ROGDI: variants seen among roughly 807,000 people sequenced by gnomAD.
ROGDI encodes rogdi atypical leucine zipper.
In ROGDI, 46 loss-of-function variants were observed where a neutral mutation model predicts 43.1. The observed-to-expected ratio is 1.07, with a 90% confidence interval of 0.84 to 1.37. The LOEUF (loss-of-function observed/expected upper bound fraction) is 1.37, where lower values mean the gene tolerates loss of function less well. Among genes scored for constraint, ROGDI ranks in the 40% most tolerant of loss-of-function variants. The probability of loss-of-function intolerance (pLI) is 0.00; values close to 1 mark genes in which losing one functional copy is unlikely to be tolerated. For synonymous variants in ROGDI, 243 were observed against 162.0 expected (o/e 1.50, Z -3.80); for missense variants, 518 against 383.9 (o/e 1.35, Z -2.92).
intron 10 of ROGDI, 71 bp downstream of exon 10, chr16:4,797,643 G>A: frequency 6.2e-7 from 1 of 1,607,536 alleles, no homozygotes; most frequent in Non-Finnish European, 8.5e-7. Context: ...CCCAAGGTTG[G>A]GGCGCTCTGA....
At position 4,797,288 on chromosome 16, in the gene ROGDI, T is replaced by A; in HGVS notation, c.*172A>T. On this transcript the variant is annotated 3_prime_UTR_variant, in exon 11 of 11. Coordinates refer to ENST00000322048, the MANE Select transcript of ROGDI (RefSeq NM_024589.3). ...ACTACCCCACCAAACCAGCCTTCCT[T>A]CCTCCTGGCACTTCCAGTGTCCATT... 4.7e-6 allele frequency: 3 copies of A among 637,956 alleles called. No homozygotes were observed. Among genetic ancestry groups the A allele is most frequent in the Non-Finnish European group, 8.0e-6 (3 of 375,186 alleles). 39.5% of individuals were successfully genotyped at this position (637,956 alleles called of 1,614,324 possible).
chr16:4,800,428 G>T, intron 5 of ROGDI, 70 bp downstream of exon 5: 1 of 1,276,372 alleles, frequency 7.8e-7, no homozygotes, highest in Non-Finnish European at 1.1e-6. Context: ...CCCTCTCCAG[G>T]GAGGCCCCGC....
In ROGDI at chr16:4,800,328, C is replaced by A. The variant is rs187509181; in HGVS notation, c.336+170G>T. Among the ~76,000 whole-genome samples the A allele has an allele frequency of 6.3e-3, 960 of 152,330 alleles. 17 individuals carry two copies. The highest frequency in any genetic ancestry group is 0.022 in the African/African-American group (924 of 41,574). On this transcript the variant is annotated intron_variant, in intron 5 of 10. Transcript: ENST00000322048. Reference sequence around the variant, plus strand: ...TCTCTACCTCCCCACATGGCGCAGCCTCCAGGGCTTCAGGAAACGCCTGCC... The same window carrying A: ...TCTCTACCTCCCCACATGGCGCAGCATCCAGGGCTTCAGGAAACGCCTGCC...
In ROGDI at chr16:4,802,601, C is replaced by T; in HGVS notation, c.-30G>A. On this transcript the variant is annotated 5_prime_UTR_variant, in exon 1 of 11. Transcript: ENST00000322048. Reference sequence around the variant, plus strand: ...GCAGGCCGCCGCCGAGCGCCCTCCCCACCGGCCGCTGCTCCTGTCCACCAA... The same window carrying T: ...GCAGGCCGCCGCCGAGCGCCCTCCCTACCGGCCGCTGCTCCTGTCCACCAA... 7.7e-7 allele frequency: 1 copy of T among 1,301,344 alleles called. No individual in the cohort carries two copies. The highest frequency in any genetic ancestry group is 9.8e-7 in the Non-Finnish European group (1 of 1,022,338). The allele number at this position is 1,301,344 out of a possible 1,614,324, so 80.6% of individuals were successfully genotyped here.
At chr16:4,801,209 G>A (rs768512236) in intron 4 of ROGDI, 58 bp downstream of exon 4, 2 of 1,420,104 alleles carry the variant, frequency 1.4e-6, no homozygotes, top group Non-Finnish European at 1.9e-6. Flanking sequence ...GAGAAAGTGG[G>A]AGCTCCCATG....
At chr16:4,798,704 G>A (rs899571088) in intron 6 of ROGDI, 37 bp from the exon 7 acceptor site, 4 of 1,470,628 alleles carry the variant, frequency 2.7e-6, no homozygotes, top group East Asian at 2.4e-5. Flanking sequence ...GCGTCCTCCC[G>A]TGTCCCCATG....
At chr16:4,797,555 G>A (rs553022084) in intron 10 of ROGDI, 54 bp from the exon 11 acceptor site, 10 of 1,180,264 alleles carry the variant, frequency 8.5e-6, no homozygotes, top group Middle Eastern at 2.2e-4. Flanking sequence ...GTAGCCCAGG[G>A]GAGATGTCAA....
intron 6 of ROGDI, 67 bp from the exon 7 acceptor site, chr16:4,798,734 T>C: frequency 3.1e-6 from 4 of 1,311,262 alleles, no homozygotes; most frequent in Non-Finnish European, 3.2e-6. Context: ...ACAACAGACA[T>C]GGTAGCTCCC....
Position 4,798,836 on chromosome 16 carries a change from A to G in ROGDI, c.433-169T>C, listed in dbSNP as rs1385678875. 6.5e-6 allele frequency: 4 copies of G among 619,094 alleles called. No homozygotes were observed. The East Asian group carries it at 1.1e-4, about 18-fold the overall frequency. The allele number at this position is 619,094 out of a possible 1,614,324, so 38.4% of individuals were successfully genotyped here. A position where few individuals can be genotyped will look rare whatever the true frequency, so the allele number is the denominator to read the frequency against. ...ACAGGTAGTTGGGCTCCAGCTGGGT[A>G]TGGAGGAGGGCAGGATGTCTGCACT... On this transcript the variant is annotated intron_variant, in intron 6 of 10. Coordinates refer to ENST00000322048, the MANE Select transcript of ROGDI (RefSeq NM_024589.3).
Position 4,797,999 on chromosome 16 carries a change from A to G in ROGDI, c.646-12T>C. 1 of 1,612,584 alleles carries G rather than the reference A, an allele frequency of 6.2e-7. No homozygotes were observed. The highest frequency in any genetic ancestry group is 8.5e-7 in the Non-Finnish European group (1 of 1,179,110). On this transcript the variant is annotated splice_polypyrimidine_tract_variant and intron_variant, in intron 8 of 10. Coordinates refer to ENST00000322048, the MANE Select transcript of ROGDI (RefSeq NM_024589.3). ...GCTGGGCGGAAGTTCTAGGGAGAAC[A>G]GCACCAGACCCGTCAGGCCTTGCAG...
chr16:4,802,250 G>C, intron 2 of ROGDI, 132 bp downstream of exon 2: 2 of 822,710 alleles, frequency 2.4e-6, no homozygotes, highest in Non-Finnish European at 3.9e-6. Flanking sequence ...TCGCGGAGGC[G>C]GGGCCCTGCC....
Position 4,802,373 on chromosome 16 carries a change from G to C in ROGDI, c.117+9C>G, listed in dbSNP as rs374732191. On this transcript the variant is annotated intron_variant, in intron 2 of 10. Coordinates refer to ENST00000322048, the MANE Select transcript of ROGDI (RefSeq NM_024589.3). ...GCCACGCCCGGCGGGGCAGGGCGCG[G>C]GTCGTTACCTTGAGGATGTCCTGCA... The C allele has an allele frequency of 1.5e-4, 241 of 1,567,536 alleles. 1 individual carries two copies. In the African/African-American group the frequency reaches 2.7e-3, roughly 18 times the overall value.
chr16:4,798,059 G>A lies in ROGDI; in HGVS notation c.645+12C>T, dbSNP rs765887692. 5 of 1,613,566 alleles carry A rather than the reference G, an allele frequency of 3.1e-6. 1 individual carries two copies. In the South Asian group the frequency reaches 5.5e-5, roughly 18 times the overall value. On this transcript the variant is annotated intron_variant, in intron 8 of 10. Coordinates refer to ENST00000322048, the MANE Select transcript of ROGDI (RefSeq NM_024589.3). ...ATGGCGGGCAGTGGGCCGGGCAGGG[G>A]TCCCTCCTCACCTTGGTGGAGTTGG...
chr16:4,801,787 A>G, intron 2 of ROGDI: 1 of 605,064 alleles, frequency 1.7e-6, no homozygotes, highest in East Asian at 2.8e-5. Flanking sequence ...CTTATACCAC[A>G]TTCCCTGAAC....
In ROGDI at chr16:4,797,951, G is replaced by A. The variant is rs1420032514; in HGVS notation, c.682C>T (p.Pro228Ser). The A allele has an allele frequency of 6.2e-7, 1 of 1,604,532 alleles. No homozygotes were observed. The highest frequency in any genetic ancestry group is 8.5e-7 in the Non-Finnish European group (1 of 1,174,098). Residue 228 changes from proline (P) to serine (S), a missense_variant, in exon 9 of 11, where the codon CCT becomes TCT. Physicochemically the swap from Pro to Ser is moderately conservative, Grantham distance 74. Transcript: ENST00000322048. ...CTGCCTACTTACAACATGGCCCCAGGGCTATGCAGCACCGCGCCCCCAGCT... is the reference window on the plus strand; with the variant it reads ...CTGCCTACTTACAACATGGCCCCAGAGCTATGCAGCACCGCGCCCCCAGCT... ...RPAGGAVLHS[P>S]GAMFEWGSQR...
At position 4,802,376 on chromosome 16, in the gene ROGDI, C is replaced by A; in HGVS notation, c.117+6G>T. The A allele has an allele frequency of 6.4e-7, 1 of 1,568,084 alleles. No individual in the cohort carries two copies. Among genetic ancestry groups the A allele is most frequent in the Non-Finnish European group, 8.6e-7 (1 of 1,161,054 alleles). On this transcript the variant is annotated splice_donor_region_variant and intron_variant, in intron 2 of 10. Transcript: ENST00000322048. The stretch of plus-strand genomic sequence containing the variant: ...ACGCCCGGCGGGGCAGGGCGCGGGT[C>A]GTTACCTTGAGGATGTCCTGCAGCT...
At chr16:4,799,636 G>A (rs777357181) in intron 6 of ROGDI, 50 bp downstream of exon 6, 44 of 1,428,884 alleles carry the variant, frequency 3.1e-5, no homozygotes, top group Non-Finnish European at 3.7e-5. Flanking sequence ...TGTGATTCCG[G>A]ATCAAGAACG....
Position 4,802,286 on chromosome 16 carries a change from T to C in ROGDI, c.117+96A>G, listed in dbSNP as rs377182030. The C allele has an allele frequency of 6.3e-5, 73 of 1,150,756 alleles. No individual in the cohort carries two copies. In the African/African-American group the frequency reaches 9.3e-4, roughly 15 times the overall value. 71.3% of individuals were successfully genotyped at this position (1,150,756 alleles called of 1,614,324 possible). ...TGAAAGCCGCGGCAGCCGCACACTGTAGGCGCTCAGGACGCAGCCGCGCGG... is the reference window on the plus strand; with the variant it reads ...TGAAAGCCGCGGCAGCCGCACACTGCAGGCGCTCAGGACGCAGCCGCGCGG... On this transcript the variant is annotated intron_variant, in intron 2 of 10. Transcript: ENST00000322048.
intron 2 of ROGDI, 79 bp from the exon 3 acceptor site, chr16:4,801,664 C>A: frequency 7.5e-7 from 1 of 1,335,986 alleles, no homozygotes; most frequent in Non-Finnish European, 1.0e-6. Flanking sequence ...AGCCCCCCTC[C>A]CTCCAAGTCA....
Sources: gnomAD v4.1 joint callset for allele counts (sites outside exome capture counted in the v4.1 genomes callset) on GRCh38, gnomAD v4.1.1 for gene constraint, MANE v1.5 for transcripts, NCBI Gene and HGNC (gene_info 2026-07-23, HGNC 2026-07-21) for gene names.